Variants in LOXHD1 observed in about 807,000 individuals in gnomAD.
LOXHD1 encodes the protein lipoxygenase homology domain-containing protein 1.
Under a neutral mutation model 248.2 loss-of-function variants are expected in LOXHD1, and 205 were observed. The ratio of observed to expected loss-of-function variants is 0.83; its 90% CI spans 0.74 to 0.93. The LOEUF (loss-of-function observed/expected upper bound fraction) is 0.93, where lower values mean the gene tolerates loss of function less well. Ranked by LOEUF, LOXHD1 falls within the 40% of genes least tolerant of loss-of-function variation. The probability of loss-of-function intolerance (pLI) is 0.00; values close to 1 mark genes in which losing one functional copy is unlikely to be tolerated. For missense variants in LOXHD1, 2,930 were observed against 2,971.6 expected, an observed-to-expected ratio of 0.99 and a Z score of 0.33; for synonymous variants, 1,113 against 1,162.8, an observed-to-expected ratio of 0.96 and a Z score of 0.87.
At chr18:46,539,256 T>A (rs568590776) in intron 25 of LOXHD1, among the ~76,000 whole-genome samples, 14 of 151,570 alleles carry the variant, frequency 9.2e-5, no homozygotes, top group South Asian at 2.1e-4. Flanking sequence ...AGGTCAGGAG[T>A]TCAAGACCAG....
intron 4 of LOXHD1, among the ~76,000 whole-genome samples, chr18:46,622,176 A>C (rs1225722665): frequency 1.3e-5 from 2 of 152,166 alleles, no homozygotes; most frequent in African/African-American, 4.8e-5. Flanking sequence ...TTTTTCTGTA[A>C]AGCACCAGAT....
At chr18:46,592,679 G>T in intron 10 of LOXHD1, 95 bp from the exon 11 acceptor site, 2 of 1,042,934 alleles carry the variant, frequency 1.9e-6, no homozygotes, top group Non-Finnish European at 2.9e-6. Context: ...CCTGCTTTGG[G>T]CTCTTTCTTC....
chr18:46,633,430 G>C (rs758998174), intron 4 of LOXHD1, among the ~76,000 whole-genome samples: 2 of 152,182 alleles, frequency 1.3e-5, no homozygotes, highest in Non-Finnish European at 2.9e-5. Context: ...CTGCAAAAGA[G>C]TGAAGTTGGA....
chr18:46,509,605 T>A (rs1270793652), intron 35 of LOXHD1, 93 bp downstream of exon 35: 1 of 896,080 alleles, frequency 1.1e-6, no homozygotes, highest in Non-Finnish European at 1.8e-6. Flanking sequence ...ACAGTGACAT[T>A]TGTGCTTTAA....
chr18:46,618,164 T>G, intron 5 of LOXHD1, 28 bp downstream of exon 5: 2 of 1,515,520 alleles, frequency 1.3e-6, no homozygotes, highest in Non-Finnish European at 1.8e-6. Flanking sequence ...GGGCTTGGCT[T>G]ATGAAAAAAA....
chr18:46,573,216 G>A (rs1050381487), intron 14 of LOXHD1, among the ~76,000 whole-genome samples: 3 of 151,992 alleles, frequency 2.0e-5, no homozygotes, highest in African/African-American at 4.8e-5. Flanking sequence ...GCAGGGCTGC[G>A]GTTTGATAGC....
chr18:46,499,536 T>A lies in LOXHD1; in HGVS notation c.5878+6302A>T, dbSNP rs114306712. 3.5e-3 allele frequency among the ~76,000 whole-genome samples: 538 copies of A among 152,322 alleles called. 1 individual carries two copies. Among genetic ancestry groups the A allele is most frequent in the African/African-American group, 0.011 (476 of 41,570 alleles). On this transcript the variant is annotated intron_variant, in intron 37 of 40. Transcript: ENST00000642948. ...AGACCCTAGTTTCTGAAAACTTGAA[T>A]GTACCATGCCATTCTTTGGATGTGT...
At chr18:46,641,933 C>T (rs753227364) in intron 3 of LOXHD1, 23 bp downstream of exon 3, 14 of 1,547,764 alleles carry the variant, frequency 9.0e-6, no homozygotes, top group African/African-American at 2.7e-5. Context: ...ACCCTCAATC[C>T]TAGTCAGGCG....
chr18:46,561,983 A>G (rs1326435488), intron 18 of LOXHD1, among the ~76,000 whole-genome samples: 1 of 152,226 alleles, frequency 6.6e-6, no homozygotes, highest in African/African-American at 2.4e-5. Context: ...GGCATCCAGA[A>G]GACACGCTAT....
At chr18:46,482,167 C>G (rs902605013) in intron 40 of LOXHD1, among the ~76,000 whole-genome samples, 3 of 152,190 alleles carry the variant, frequency 2.0e-5, no homozygotes, top group African/African-American at 4.8e-5. Context: ...TGGGCTTTCT[C>G]TAAAAGAGCA....
At chr18:46,481,228 A>G (rs1033650941) in intron 40 of LOXHD1, among the ~76,000 whole-genome samples, 21 of 152,234 alleles carry the variant, frequency 1.4e-4, no homozygotes, top group Admixed American at 3.9e-4. Flanking sequence ...GGCCATGTGA[A>G]TTGTCACCAC....
intron 21 of LOXHD1, among the ~76,000 whole-genome samples, chr18:46,551,087 ATTTCT>A (rs776785813): frequency 0.01 from 1,511 of 150,192 alleles, 26 homozygotes; most frequent in African/African-American, 0.035. Flanking sequence ...TAACTCCTAA[ATTTCT>A]TTTCTTTTCT....
chr18:46,542,820 C>A lies in LOXHD1; in HGVS notation c.3655G>T (p.Asp1219Tyr), dbSNP rs768492046. ...TCAATGCTGTCCCTCTCAAACTTATCGCTGTTTGTCTTGGAGGACTTCAGG... is the reference window on the plus strand; with the variant it reads ...TCAATGCTGTCCCTCTCAAACTTATAGCTGTTTGTCTTGGAGGACTTCAGG... ...TLLKSSKTNS[D>Y]KFERDSIEIF... Residue 1219 changes from aspartate (D) to tyrosine (Y), a missense_variant, in exon 24 of 41, where the codon GAT (aspartate) becomes TAT (tyrosine). Asp to Tyr is a radical substitution (Grantham distance 160). Transcript: ENST00000642948. 6.4e-7 allele frequency: 1 copy of A among 1,551,730 alleles called. No homozygotes were observed. Among genetic ancestry groups the A allele is most frequent in the Non-Finnish European group, 8.7e-7 (1 of 1,147,002 alleles).
Position 46,546,839 on chromosome 18 carries a change from G to T in LOXHD1, c.3514+56C>A, listed in dbSNP as rs1318230946. 2.0e-6 allele frequency: 3 copies of T among 1,512,828 alleles called. No individual in the cohort carries two copies. The East Asian group carries it at 7.4e-5, about 37-fold the overall frequency. The allele number at this position is 1,512,828 out of a possible 1,614,324, so 93.7% of individuals were successfully genotyped here. Reference sequence around the variant, plus strand: ...GAAGGAAGATGGAGACTTAGGGTTAGGGAGAGGCAGAGGGGAGGGGTGCTG... The same window carrying T: ...GAAGGAAGATGGAGACTTAGGGTTATGGAGAGGCAGAGGGGAGGGGTGCTG... On this transcript the variant is annotated intron_variant, in intron 22 of 40. Transcript: ENST00000642948.
intron 4 of LOXHD1, among the ~76,000 whole-genome samples, chr18:46,631,790 C>T (rs80324090): frequency 1.3e-5 from 2 of 152,286 alleles, no homozygotes; most frequent in East Asian, 1.9e-4. Flanking sequence ...GGGCTTGATG[C>T]GATAGGGCCT....
intron 1 of LOXHD1, 61 bp from the exon 2 acceptor site, chr18:46,649,330 G>A: frequency 7.1e-7 from 1 of 1,404,678 alleles, no homozygotes; most frequent in Non-Finnish European, 9.8e-7. Context: ...TCCTGTGTGG[G>A]CCTGGAGAAT....
At chr18:46,484,181 A>G (rs1436170777) in intron 39 of LOXHD1, among the ~76,000 whole-genome samples, 1 of 152,006 alleles carries the variant, frequency 6.6e-6, no homozygotes, top group African/African-American at 2.4e-5. Context: ...TGGAGAAGGT[A>G]TGGGTGCAGG....
intron 6 of LOXHD1, 88 bp from the exon 7 acceptor site, chr18:46,604,317 T>C: frequency 6.6e-7 from 1 of 1,504,282 alleles, no homozygotes. Flanking sequence ...ATCACTTGAG[T>C]CTACTTTAAG....
intron 34 of LOXHD1, 46 bp downstream of exon 34, chr18:46,518,083 G>C: frequency 6.5e-7 from 1 of 1,548,928 alleles, no homozygotes. Flanking sequence ...CAGAGGGGGA[G>C]AGTTGAATGT....
Sources: allele counts gnomAD v4.1 joint callset (sites outside exome capture counted in the v4.1 genomes callset), GRCh38; gene constraint gnomAD v4.1.1; transcripts MANE v1.5; gene names NCBI Gene and HGNC (gene_info 2026-07-23, HGNC 2026-07-21).